TINAG: variants seen among roughly 807,000 people sequenced by gnomAD.
TINAG encodes tubulointerstitial nephritis antigen.
In TINAG, 83 loss-of-function variants were observed where a neutral mutation model predicts 72.7. The ratio of observed to expected loss-of-function variants is 1.14; its 90% CI spans 0.96 to 1.37. TINAG has a LOEUF of 1.37. Among genes scored for constraint, TINAG ranks in the 40% most tolerant of loss-of-function variants. The pLI, the probability that TINAG is intolerant of heterozygous loss-of-function variation, is 0.00. For missense variants in TINAG, 685 were observed against 576.6 expected (o/e 1.19, Z -1.93); for synonymous variants, 234 against 189.9 (o/e 1.23, Z -1.91).
Position 54,349,914 on chromosome 6 carries a change from G to T in TINAG, c.1080+18G>T. On this transcript the variant is annotated intron_variant, in intron 7 of 10. Transcript: ENST00000259782. ...CTTCCAACGTAAGTATAAATGGCAA[G>T]AATCAAGAATAGTTGGCTTTCTCAA... The T allele has an allele frequency of 6.7e-7, 1 of 1,501,762 alleles. No individual in the cohort carries two copies. The highest frequency in any genetic ancestry group is 9.0e-7 in the Non-Finnish European group (1 of 1,113,532). 93.0% of individuals were successfully genotyped at this position (1,501,762 alleles called of 1,614,324 possible).
At chr6:54,389,688 A>C in intron 10 of TINAG, 103 bp from the exon 11 acceptor site, 2 of 1,377,040 alleles carry the variant, frequency 1.5e-6, no homozygotes, top group Non-Finnish European at 9.8e-7. Flanking sequence ...ATAGTCTATG[A>C]TAAATCAAAG....
intron 10 of TINAG, among the ~76,000 whole-genome samples, chr6:54,382,953 C>G (rs1431569032): frequency 6.6e-6 from 1 of 152,120 alleles, no homozygotes; most frequent in African/African-American, 2.4e-5. Flanking sequence ...TTTCCAAGGT[C>G]CAGCTAGACA....
chr6:54,310,907 C>T (rs9382321), intron 1 of TINAG, among the ~76,000 whole-genome samples: 13 of 145,624 alleles, frequency 8.9e-5, no homozygotes, highest in Admixed American at 2.1e-4. Flanking sequence ...CCCTCTTTCT[C>T]TTTCTCTCTC....
At chr6:54,389,380 T>C (rs1405380442) in intron 10 of TINAG, among the ~76,000 whole-genome samples, 2 of 152,200 alleles carry the variant, frequency 1.3e-5, no homozygotes, top group Admixed American at 6.6e-5. Flanking sequence ...GCACTTGCCT[T>C]ATGTTGGTCA....
intron 10 of TINAG, among the ~76,000 whole-genome samples, 193 bp downstream of exon 10, chr6:54,380,764 G>C (rs1763922301): frequency 6.6e-6 from 1 of 151,620 alleles, no homozygotes; most frequent in Non-Finnish European, 1.5e-5. Context: ...TCAACTCTCA[G>C]TATTTCAAAT....
chr6:54,371,536 G>A (rs1483633565), intron 9 of TINAG, among the ~76,000 whole-genome samples: 2 of 151,398 alleles, frequency 1.3e-5, no homozygotes, highest in Non-Finnish European at 2.9e-5. Flanking sequence ...TATCTATAAT[G>A]TGATATAATT....
intron 4 of TINAG, among the ~76,000 whole-genome samples, chr6:54,327,745 C>T (rs997182993): frequency 7.9e-5 from 12 of 152,168 alleles, no homozygotes; most frequent in Admixed American, 7.2e-4. Flanking sequence ...TGAAATTGAC[C>T]TGGGACACTC....
chr6:54,353,959 C>G lies in TINAG; in HGVS notation c.1127-554C>G, dbSNP rs554418803. 2.2e-4 allele frequency among the ~76,000 whole-genome samples: 33 copies of G among 151,930 alleles called. No homozygotes were observed. In the South Asian group the frequency reaches 6.8e-3, roughly 32 times the overall value. ...AGGAGAGCTTTCTAAAATATAAGCC[C>G]TGCTTTTTAAAGTGTACAACATTGC... On this transcript the variant is annotated intron_variant, in intron 8 of 10. Transcript: ENST00000259782.
At chr6:54,374,920 C>G (rs575969191) in intron 9 of TINAG, among the ~76,000 whole-genome samples, 3 of 151,956 alleles carry the variant, frequency 2.0e-5, no homozygotes, top group African/African-American at 7.2e-5. Flanking sequence ...TTTAATCTGT[C>G]TGGATCTATA....
chr6:54,340,826 T>G (rs1044315907), intron 4 of TINAG, among the ~76,000 whole-genome samples: 4 of 152,178 alleles, frequency 2.6e-5, no homozygotes, highest in African/African-American at 9.6e-5. Flanking sequence ...TATTTTTTCA[T>G]TTTTAAAGAA....
chr6:54,380,000 A>G (rs1003322855), intron 9 of TINAG, among the ~76,000 whole-genome samples: 1 of 151,254 alleles, frequency 6.6e-6, no homozygotes, highest in Non-Finnish European at 1.5e-5. Flanking sequence ...TCATTGTTCA[A>G]CTCTCACTTG....
chr6:54,371,991 T>TTG (rs892091277), intron 9 of TINAG, among the ~76,000 whole-genome samples: 4 of 139,616 alleles, frequency 2.9e-5, no homozygotes, highest in Non-Finnish European at 4.7e-5. Flanking sequence ...GTTTTTTTTT[T>TTG]TTTTTTTTTT....
chr6:54,344,226 T>C (rs886544533), intron 5 of TINAG, among the ~76,000 whole-genome samples: 1 of 152,146 alleles, frequency 6.6e-6, no homozygotes, highest in African/African-American at 2.4e-5. Flanking sequence ...AGGCAGCATA[T>C]CCTGGGACAG....
intron 7 of TINAG, among the ~76,000 whole-genome samples, chr6:54,350,713 T>C (rs1785245256): frequency 1.3e-5 from 2 of 149,766 alleles, no homozygotes; most frequent in South Asian, 4.3e-4. Flanking sequence ...TGTGACGTTT[T>C]CCTTGATTTC....
chr6:54,318,088 T>C (rs987628248), intron 1 of TINAG, among the ~76,000 whole-genome samples: 1 of 152,098 alleles, frequency 6.6e-6, no homozygotes. Flanking sequence ...GTCTGTCAGA[T>C]GCAGTGTTTT....
intron 9 of TINAG, among the ~76,000 whole-genome samples, chr6:54,373,230 A>G (rs1033180809): frequency 2.6e-5 from 4 of 152,026 alleles, no homozygotes; most frequent in Admixed American, 1.3e-4. Flanking sequence ...CTTGTTCACC[A>G]TCACTAGTTT....
chr6:54,356,836 T>C (rs1020081119), intron 9 of TINAG, among the ~76,000 whole-genome samples: 7 of 151,836 alleles, frequency 4.6e-5, no homozygotes, highest in African/African-American at 1.4e-4. Context: ...TTCAAGGACA[T>C]GCAGAAGCAA....
intron 9 of TINAG, among the ~76,000 whole-genome samples, chr6:54,357,359 G>T (rs2150964660): frequency 6.6e-6 from 1 of 151,936 alleles, no homozygotes. Context: ...CCATCTAAAA[G>T]CTGACATCAA....
chr6:54,371,986 T>TTTTTTTTTGTTTTTTTTTTTG lies in TINAG; in HGVS notation c.1251-8532_1251-8531insGTTTTTTTTTTTGTTTTTTTT, dbSNP rs1763627888. Among the ~76,000 whole-genome samples the TTTTTTTTTGTTTTTTTTTTTG allele has an allele frequency of 1.7e-3, 186 of 111,284 alleles. 2 individuals are homozygous for TTTTTTTTTGTTTTTTTTTTTG. Among genetic ancestry groups the TTTTTTTTTGTTTTTTTTTTTG allele is most frequent in the African/African-American group, 7.9e-3 (174 of 21,938 alleles). 73.0% of individuals were successfully genotyped at this position (111,284 alleles called of 152,430 possible). The stretch of plus-strand genomic sequence containing the variant: ...TAAAATGGCTTTCAAGTCATGTTTT[T>TTTTTTTTTGTTTTTTTTTTTG]TTTTTTTTTTTTTTTTTTTTTTGAG... On this transcript the variant is annotated intron_variant, in intron 9 of 10. Transcript: ENST00000259782.
Sources: gnomAD v4.1 joint callset for allele counts (sites outside exome capture counted in the v4.1 genomes callset) on GRCh38, gnomAD v4.1.1 for gene constraint, MANE v1.5 for transcripts, NCBI Gene and HGNC (gene_info 2026-07-23, HGNC 2026-07-21) for gene names.